The following FAM133A variants were observed in gnomAD, a reference collection of about 807,000 sequenced individuals.
FAM133A encodes the protein family with sequence similarity 133 member A.
For missense variants in FAM133A, 159 were observed against 164.4 expected (o/e 0.97, Z 0.18); for synonymous variants, 65 against 58.6 (o/e 1.11, Z -0.50).
chrX:93,693,199 G>T (rs774701873), intron 2 of FAM133A, among the ~76,000 whole-genome samples: 3 of 111,149 alleles, frequency 2.7e-5, no homozygotes, highest in Admixed American at 1.9e-4. Context: ...AAAAAGTCAG[G>T]GTTTTATTTT....
intron 2 of FAM133A, among the ~76,000 whole-genome samples, chrX:93,677,806 A>G (rs1368402498): frequency 8.9e-6 from 1 of 111,939 alleles, no homozygotes. Context: ...CAATACTACA[A>G]TTTGTTGATG....
intron 2 of FAM133A, among the ~76,000 whole-genome samples, chrX:93,690,770 T>G (rs2147615962): frequency 8.9e-6 from 1 of 111,903 alleles, no homozygotes; most frequent in Non-Finnish European, 1.9e-5. Context: ...TATGGTATAT[T>G]TGTGATTAAT....
At chrX:93,676,519 C>T (rs1260515972) in intron 2 of FAM133A, among the ~76,000 whole-genome samples, 2 of 110,247 alleles carry the variant, frequency 1.8e-5, no homozygotes, top group African/African-American at 6.6e-5. Flanking sequence ...ATGATTTTGG[C>T]CTTGACTTAA....
chrX:93,697,296 A>C (rs1259707402), intron 2 of FAM133A, among the ~76,000 whole-genome samples: 1 of 109,315 alleles, frequency 9.1e-6, no homozygotes. Flanking sequence ...TTCAGAGAGA[A>C]GTTTCTCCAA....
At chrX:93,704,349 A>G (rs1274348517) in intron 3 of FAM133A, among the ~76,000 whole-genome samples, 1 of 111,776 alleles carries the variant, frequency 8.9e-6, no homozygotes, top group Non-Finnish European at 1.9e-5. Flanking sequence ...CCTTTAAGAA[A>G]CTTTCTAAGA....
intron 3 of FAM133A, among the ~76,000 whole-genome samples, chrX:93,708,019 A>G (rs112505964): frequency 0.075 from 8,344 of 111,842 alleles, 714 homozygotes; most frequent in African/African-American, 0.25. Flanking sequence ...ACGATGAACT[A>G]TCATACAGAA....
intron 2 of FAM133A, among the ~76,000 whole-genome samples, chrX:93,694,616 A>C (rs1234483666): frequency 9.0e-6 from 1 of 111,646 alleles, no homozygotes; most frequent in Non-Finnish European, 1.9e-5. Context: ...TCAGAAGGAA[A>C]ACAGCTCTAT....
chrX:93,709,154 A>C (rs1332195314), intron 3 of FAM133A, among the ~76,000 whole-genome samples, 163 bp from the exon 4 acceptor site: 4 of 111,869 alleles, frequency 3.6e-5, no homozygotes, highest in Admixed American at 2.9e-4. Flanking sequence ...AGTGTCTATA[A>C]TATGTAAAAT....
intron 2 of FAM133A, among the ~76,000 whole-genome samples, chrX:93,676,553 A>T (rs1012317530): frequency 1.8e-5 from 2 of 110,387 alleles, no homozygotes; most frequent in Middle Eastern, 4.7e-3. Flanking sequence ...TCTTCAGGAA[A>T]TAACGCATGA....
intron 2 of FAM133A, among the ~76,000 whole-genome samples, chrX:93,684,386 A>AT (rs773543139): frequency 1.2e-4 from 13 of 111,864 alleles, no homozygotes; most frequent in Admixed American, 1.1e-3. Flanking sequence ...CCAGAAGTCA[A>AT]TTTTTTTAAT....
chrX:93,694,921 T>G (rs190964680), intron 2 of FAM133A, among the ~76,000 whole-genome samples: 1 of 112,077 alleles, frequency 8.9e-6, no homozygotes, highest in Non-Finnish European at 1.9e-5. Context: ...CATTCCTGTG[T>G]TTATAATATT....
At chrX:93,680,929 T>G (rs1171756489) in intron 2 of FAM133A, among the ~76,000 whole-genome samples, 1 of 111,535 alleles carries the variant, frequency 9.0e-6, no homozygotes, top group Non-Finnish European at 1.9e-5. Context: ...GTGCAAAAAC[T>G]TTTTAGTTTG....
chrX:93,710,161 A>G lies in FAM133A; in HGVS notation c.742A>G (p.Arg248Gly). Residue 248 changes from arginine to glycine, a missense_variant, in exon 4 of 4, where the codon AGG (arginine) becomes GGG (glycine). Physicochemically the swap from Arg to Gly is moderately radical, Grantham distance 125 (BLOSUM62 -2). Transcript: ENST00000683942. The stretch of plus-strand genomic sequence containing the variant: ...GAAGTCTGGATCAAGTCACAAGTCA[A>G]GGTAACATCAAGAAAAAAAGCAAGA... Reference protein sequence around the residue: ...KKKSGSSHKSR With the variant: ...KKKSGSSHKSG 8.6e-7 allele frequency: 1 copy of G among 1,159,285 alleles called. No individual in the cohort carries two copies. The highest frequency in any genetic ancestry group is 1.8e-5 in the African/African-American group (1 of 54,880).
intron 2 of FAM133A, among the ~76,000 whole-genome samples, chrX:93,676,695 C>T (rs1288819166): frequency 9.2e-6 from 1 of 108,110 alleles, no homozygotes; most frequent in Non-Finnish European, 1.9e-5. Flanking sequence ...ACCACTCACA[C>T]TGATCCTGGA....
At chrX:93,685,564 T>C (rs1569346422) in intron 2 of FAM133A, among the ~76,000 whole-genome samples, 2 of 111,835 alleles carry the variant, frequency 1.8e-5, no homozygotes, top group Non-Finnish European at 3.8e-5. Context: ...GGACTGAAAT[T>C]TGAAGTCATT....
chrX:93,679,997 T>A (rs1388397395), intron 2 of FAM133A, among the ~76,000 whole-genome samples: 1 of 95,666 alleles, frequency 1.0e-5, no homozygotes, highest in East Asian at 3.6e-4. Flanking sequence ...CAGGATGGTC[T>A]CCATCTCCTG....
At chrX:93,709,266 T>C (rs1347432802) in intron 3 of FAM133A, 51 bp from the exon 4 acceptor site, 2 of 772,312 alleles carry the variant, frequency 2.6e-6, no homozygotes, top group Non-Finnish European at 3.4e-6. Context: ...TATGTTTGTT[T>C]GTCTTTATAT....
chrX:93,690,605 T>C (rs1925821172), intron 2 of FAM133A, among the ~76,000 whole-genome samples: 1 of 112,128 alleles, frequency 8.9e-6, no homozygotes, highest in Non-Finnish European at 1.9e-5. Context: ...TCACATTTTA[T>C]TCATCCATTT....
rs1927442448 is a variant in FAM133A, at chrX:93,711,513, A to G, written c.*1347A>G. 1 of 122,977 alleles carries G rather than the reference A, an allele frequency of 8.1e-6. No individual in the cohort carries two copies. Among genetic ancestry groups the G allele is most frequent in the Admixed American group, 9.6e-5 (1 of 10,414 alleles). 10.1% of individuals were successfully genotyped at this position (122,977 alleles called of 1,213,427 possible). On this transcript the variant is annotated 3_prime_UTR_variant, in exon 4 of 4. Transcript: ENST00000683942. ...ATTTTTATATATCAGAGTAACATAA[A>G]TTATAAATTTGTGTCTCAAAACCAC...
Sources: gnomAD v4.1 joint callset for allele counts (sites outside exome capture counted in the v4.1 genomes callset) on GRCh38, gnomAD v4.1.1 for gene constraint, MANE v1.5 for transcripts, NCBI Gene and HGNC (gene_info 2026-07-23, HGNC 2026-07-21) for gene names.